Variants in DOP1B observed in about 807,000 individuals in gnomAD.
DOP1B encodes the protein protein DOP1B.
DOP1B carries 174 observed loss-of-function variants against 233.5 expected under a neutral mutation model. The observed-to-expected ratio is 0.75, with a 90% CI of 0.66 to 0.85. The LOEUF (loss-of-function observed/expected upper bound fraction) is 0.85, where lower values mean the gene tolerates loss of function less well. Ranked by LOEUF, DOP1B falls within the 40% of genes least tolerant of loss-of-function variation. The pLI, the probability that DOP1B is intolerant of heterozygous loss-of-function variation, is 0.00. For synonymous variants in DOP1B, 1,190 were observed against 1,185.6 expected (o/e 1.00, Z -0.08); for missense variants, 2,652 against 2,846.6 (o/e 0.93, Z 1.56).
intron 6 of DOP1B, 142 bp from the exon 7 acceptor site, chr21:36,211,832 G>C: frequency 7.3e-7 from 1 of 1,365,192 alleles, no homozygotes; most frequent in South Asian, 1.3e-5. Context: ...GTATTGAATA[G>C]CTTCTTTCCA....
At chr21:36,230,082 C>T (rs1352321285) in intron 13 of DOP1B, among the ~76,000 whole-genome samples, 3 of 151,544 alleles carry the variant, frequency 2.0e-5, no homozygotes, top group African/African-American at 4.9e-5. Context: ...GTGATCCGCC[C>T]GCCTCAGCCT....
At chr21:36,284,137 A>C (rs2067452545) in intron 32 of DOP1B, among the ~76,000 whole-genome samples, 2 of 150,970 alleles carry the variant, frequency 1.3e-5, no homozygotes, top group African/African-American at 4.9e-5. Context: ...TTTAGTAGAG[A>C]TGGGGTTTCG....
At chr21:36,281,807 G>A (rs1220782345) in intron 32 of DOP1B, among the ~76,000 whole-genome samples, 196 bp downstream of exon 32, 1 of 152,190 alleles carries the variant, frequency 6.6e-6, no homozygotes, top group Non-Finnish European at 1.5e-5. Flanking sequence ...GCAAGAGGGG[G>A]CTGAACCTGC....
intron 1 of DOP1B, among the ~76,000 whole-genome samples, chr21:36,158,867 C>T (rs1306432118): frequency 6.6e-6 from 1 of 151,342 alleles, no homozygotes; most frequent in Non-Finnish European, 1.5e-5. Flanking sequence ...GTGGCTCATG[C>T]CTGTAATCCC....
At chr21:36,238,200 A>AT (rs1253354895) in intron 16 of DOP1B, among the ~76,000 whole-genome samples, 3 of 152,066 alleles carry the variant, frequency 2.0e-5, no homozygotes, top group Non-Finnish European at 4.4e-5. Flanking sequence ...TAATAAACCA[A>AT]TTTTTTTAAA....
At chr21:36,247,868 G>A (rs917943862) in intron 20 of DOP1B, among the ~76,000 whole-genome samples, 1 of 152,208 alleles carries the variant, frequency 6.6e-6, no homozygotes, top group African/African-American at 2.4e-5. Context: ...TATAATTAAC[G>A]CAAATGCATA....
At chr21:36,180,649 G>C (rs2066087367) in intron 2 of DOP1B, among the ~76,000 whole-genome samples, 1 of 152,090 alleles carries the variant, frequency 6.6e-6, no homozygotes, top group Non-Finnish European at 1.5e-5. Flanking sequence ...GGGAGGCCGA[G>C]GCGGGGGGAT....
At chr21:36,243,901 G>A (rs570749308) in intron 18 of DOP1B, among the ~76,000 whole-genome samples, 2 of 151,716 alleles carry the variant, frequency 1.3e-5, no homozygotes, top group African/African-American at 4.8e-5. Context: ...TGGAACTCTT[G>A]GGATCAAGCA....
intron 2 of DOP1B, among the ~76,000 whole-genome samples, chr21:36,193,751 G>T (rs545500374): frequency 1.3e-5 from 2 of 152,274 alleles, no homozygotes; most frequent in South Asian, 2.1e-4. Flanking sequence ...CGGGGAGCCC[G>T]AGTGGGAACC....
chr21:36,190,752 C>T (rs763852851), intron 2 of DOP1B, among the ~76,000 whole-genome samples: 2 of 152,212 alleles, frequency 1.3e-5, no homozygotes, highest in Non-Finnish European at 2.9e-5. Context: ...GAATATTTCT[C>T]ATATGATACG....
At chr21:36,292,041 C>A in intron 35 of DOP1B, 63 bp from the exon 36 acceptor site, 2 of 1,514,860 alleles carry the variant, frequency 1.3e-6, no homozygotes, top group Non-Finnish European at 8.8e-7. Context: ...CTTAATAAAA[C>A]TAATTTTAAC....
chr21:36,245,370 C>T lies in DOP1B; in HGVS notation c.3390C>T (p.Ser1130=), dbSNP rs764982304. 7 of 1,614,148 alleles carry T rather than the reference C, an allele frequency of 4.3e-6. No individual in the cohort carries two copies. The Admixed American group carries it at 1.2e-4, about 27-fold the overall frequency. ...TDSENTSSFS[S]PSHDLQELSN... Reference sequence around the variant, plus strand: ...GCGAGAACACGTCCTCCTTCTCCTCCCCTTCCCACGACCTGCAGGAGCTGA... The same window carrying T: ...GCGAGAACACGTCCTCCTTCTCCTCTCCTTCCCACGACCTGCAGGAGCTGA... The change falls in exon 19 of 37, where the codon TCC becomes TCT. Residue 1130 remains serine, a synonymous_variant. Transcript: ENST00000691173. The surrounding 1 kb of genome is among the most constrained non-coding windows in gnomAD (Gnocchi z 5.5).
chr21:36,281,583 A>AT lies in DOP1B; in HGVS notation c.6133dup (p.Tyr2045LeufsTer54). ...CTGTCTTCAGTGGAGAACTTGATCA[A>AT]TACCACCTTTACCTTCCACTGATAC... On this transcript the variant is annotated frameshift_variant, in exon 32 of 37. Coordinates refer to ENST00000691173, the MANE Select transcript of DOP1B (RefSeq NM_001320714.2). LOFTEE classifies it high-confidence loss of function. The AT allele has an allele frequency of 1.2e-6, 2 of 1,603,306 alleles. No individual in the cohort carries two copies. Among genetic ancestry groups the AT allele is most frequent in the Non-Finnish European group, 1.7e-6 (2 of 1,171,052 alleles).
In DOP1B at chr21:36,263,606, T is replaced by A; in HGVS notation, c.5376T>A (p.Ser1792=). 6.2e-7 allele frequency: 1 copy of A among 1,614,212 alleles called. No individual in the cohort carries two copies. Among genetic ancestry groups the A allele is most frequent in the Non-Finnish European group, 8.5e-7 (1 of 1,180,046 alleles). The change falls in exon 25 of 37, where the codon TCT becomes TCA. Residue 1792 remains serine (S), a synonymous_variant. Coordinates refer to ENST00000691173, the MANE Select transcript of DOP1B (RefSeq NM_001320714.2). ...CACTGTTGGGAGTATTGAAAGAGTCTGTACAGTTGAATCTAGCCCCACCTG... is the reference window on the plus strand; with the variant it reads ...CACTGTTGGGAGTATTGAAAGAGTCAGTACAGTTGAATCTAGCCCCACCTG... The part of the protein sequence containing the change: ...FSSLLGVLKE[S]VQLNLAPPGY...
chr21:36,274,263 TAAGGCAG>T (rs2067325032), intron 27 of DOP1B, among the ~76,000 whole-genome samples: 1 of 152,158 alleles, frequency 6.6e-6, no homozygotes, highest in South Asian at 2.1e-4. Context: ...TTGCGCTGGT[TAAGGCAG>T]AAGATGATTC....
intron 2 of DOP1B, among the ~76,000 whole-genome samples, chr21:36,180,997 G>C (rs1410753528): frequency 6.6e-6 from 1 of 152,094 alleles, no homozygotes; most frequent in Non-Finnish European, 1.5e-5. Flanking sequence ...TATTGTGAAT[G>C]GGATTATTTT....
intron 2 of DOP1B, chr21:36,170,231 T>C (rs2065959978): frequency 2.6e-6 from 1 of 385,862 alleles, no homozygotes; most frequent in African/African-American, 2.1e-5. Context: ...TTGATTTGCA[T>C]TTCCCTAATG....
chr21:36,170,001 G>A (rs1568997302), intron 2 of DOP1B: 1 of 753,986 alleles, frequency 1.3e-6, no homozygotes, highest in Non-Finnish European at 2.5e-6. Flanking sequence ...TTGGCCTGTC[G>A]ACTTCCCGTG....
chr21:36,281,359 CCTTA>C (rs2067413681), intron 31 of DOP1B, 120 bp from the exon 32 acceptor site: 12 of 1,000,264 alleles, frequency 1.2e-5, no homozygotes, highest in African/African-American at 3.2e-5. Flanking sequence ...AATCTCATGT[CCTTA>C]CTTAATAAAG....
Sources: gnomAD v4.1 joint callset for allele counts (sites outside exome capture counted in the v4.1 genomes callset) on GRCh38, gnomAD v4.1.1 for gene constraint, Gnocchi (gnomAD v3.1) non-coding constraint, MANE v1.5 for transcripts, NCBI Gene and HGNC (gene_info 2026-07-23, HGNC 2026-07-21) for gene names.